RACGAP1: variants seen among roughly 807,000 people sequenced by gnomAD.
RACGAP1 encodes the protein Rac GTPase activating protein 1.
Under a neutral mutation model 78.1 loss-of-function variants are expected in RACGAP1, and 30 were observed. The observed-to-expected ratio is 0.38, with a 90% CI of 0.29 to 0.52. RACGAP1 has a LOEUF of 0.52. Among genes scored for constraint, RACGAP1 ranks in the 20% least tolerant of loss-of-function variants. RACGAP1 has a pLI of 0.82. For synonymous variants in RACGAP1, 231 were observed against 264.8 expected, an observed-to-expected ratio of 0.87 and a Z score of 1.24; for missense variants, 587 against 777.1, an observed-to-expected ratio of 0.76 and a Z score of 2.91.
intron 5 of RACGAP1, among the ~76,000 whole-genome samples, chr12:50,003,975 A>G (rs954745143): frequency 2.0e-5 from 3 of 152,244 alleles, no homozygotes; most frequent in Non-Finnish European, 4.4e-5. Flanking sequence ...CAGTTAGTAC[A>G]TGTGGCACAC....
chr12:50,019,695 A>AAAATAAATAAATAAATAAATAAATAAAT (rs371687029), intron 1 of RACGAP1: 37 of 140,662 alleles, frequency 2.6e-4, no homozygotes, highest in Admixed American at 7.2e-4. Flanking sequence ...CCCTTCTCTT[A>AAAATAAATAAATAAATAAATAAATAAAT]AAATAAATAA....
chr12:50,026,999 G>A (rs1338126401), upstream of RACGAP1, among the ~76,000 whole-genome samples: 1 of 152,048 alleles, frequency 6.6e-6, no homozygotes, highest in Admixed American at 6.6e-5. Context: ...CAGGCGTTCG[G>A]CTGACCCACC....
rs185685115 is a variant in RACGAP1, at chr12:50,000,293, G to A, written c.631-560C>T. On this transcript the variant is annotated intron_variant, in intron 7 of 16. Transcript: ENST00000312377. ...CTCCCAAAGTGCTAGGATTACAGGC[G>A]TGAGCCACCGCGCCTGGCCGACTGA... Among the ~76,000 whole-genome samples, 654 of 152,070 alleles carry A rather than the reference G, an allele frequency of 4.3e-3. 6 individuals carry two copies. The highest frequency in any genetic ancestry group is 0.015 in the African/African-American group (621 of 41,512).
intron 1 of RACGAP1, chr12:50,018,672 G>T (rs936757303): frequency 2.7e-6 from 2 of 739,420 alleles, no homozygotes; most frequent in Admixed American, 2.7e-5. Context: ...CTTATATATC[G>T]TGAGACTATA....
At chr12:50,024,392 CT>C (rs1950172518) in intron 1 of RACGAP1, among the ~76,000 whole-genome samples, 1 of 152,160 alleles carries the variant, frequency 6.6e-6, no homozygotes, top group Non-Finnish European at 1.5e-5. Flanking sequence ...GGCCATTATC[CT>C]CAGTGAAATA....
intron 1 of RACGAP1, among the ~76,000 whole-genome samples, chr12:50,021,477 G>A (rs1308194984): frequency 6.6e-6 from 1 of 152,220 alleles, no homozygotes; most frequent in Non-Finnish European, 1.5e-5. Flanking sequence ...AGCTGGATGT[G>A]ATTGCTTTGA....
rs1947782093 is a variant in RACGAP1 at position 49,990,733 on chromosome 12, T to C, written c.1774A>G (p.Ser592Gly). The C allele has an allele frequency of 6.2e-7, 1 of 1,614,082 alleles. No individual in the cohort carries two copies. Among genetic ancestry groups the C allele is most frequent in the African/African-American group, 1.3e-5 (1 of 75,034 alleles). ...EHQLLKTPSS[S>G]SLSQRVRSTL... is the part of the protein sequence containing the mutation. ...GAACGGACTCTCTGTGACAGGGAACTAGATGAAGGAGTCTTGAGAAGCTGA... is the reference window on the plus strand; with the variant it reads ...GAACGGACTCTCTGTGACAGGGAACCAGATGAAGGAGTCTTGAGAAGCTGA... The change falls in exon 16 of 17, where the codon AGT (serine) becomes GGT (glycine). Residue 592 changes from serine (S) to glycine (G), a missense_variant. Ser to Gly is a moderately conservative substitution (Grantham distance 56). Coordinates refer to ENST00000312377, the MANE Select transcript of RACGAP1 (RefSeq NM_001319999.2).
At chr12:50,018,914 T>C (rs1027170121) in intron 1 of RACGAP1, among the ~76,000 whole-genome samples, 8 of 151,952 alleles carry the variant, frequency 5.3e-5, no homozygotes, top group African/African-American at 1.9e-4. Context: ...CCACCTCAGC[T>C]GACTGCAACC....
At chr12:49,997,287 T>C in intron 9 of RACGAP1, 83 bp from the exon 10 acceptor site, 1 of 1,415,040 alleles carries the variant, frequency 7.1e-7, no homozygotes, top group Non-Finnish European at 9.3e-7. Flanking sequence ...TTTTTTTTTT[T>C]TTTTTGAGAC....
intron 2 of RACGAP1, among the ~76,000 whole-genome samples, chr12:50,008,969 G>A (rs1287740548): frequency 6.6e-6 from 1 of 152,076 alleles, no homozygotes; most frequent in Non-Finnish European, 1.5e-5. Flanking sequence ...GCCATGAAGT[G>A]CACATTAAAA....
intron 1 of RACGAP1, among the ~76,000 whole-genome samples, chr12:50,023,936 C>A (rs975802753): frequency 6.6e-6 from 1 of 151,742 alleles, no homozygotes; most frequent in East Asian, 1.9e-4. Flanking sequence ...CCGAGGTGGG[C>A]AGATCAGGAG....
intron 1 of RACGAP1, chr12:50,021,242 G>T: frequency 2.1e-6 from 1 of 465,910 alleles, no homozygotes; most frequent in Non-Finnish European, 2.8e-6. Flanking sequence ...CTGTAAAACA[G>T]CTGTCACTTT....
chr12:49,994,601 T>C, intron 10 of RACGAP1, 92 bp from the exon 11 acceptor site: 1 of 1,492,102 alleles, frequency 6.7e-7, no homozygotes, highest in Non-Finnish European at 8.9e-7. Flanking sequence ...AATCTTATTC[T>C]CAAACTGGGA....
At position 49,994,559 on chromosome 12, in the gene RACGAP1, C is replaced by A. The variant is rs199997239; in HGVS notation, c.1045-50G>T. ...TTATTATTTACGCCATGTAGACCAA[C>A]AGATGAAGACCACATGCGAAGAACC... On this transcript the variant is annotated intron_variant, in intron 10 of 16. Coordinates refer to ENST00000312377, the MANE Select transcript of RACGAP1 (RefSeq NM_001319999.2). 2.4e-5 allele frequency: 38 copies of A among 1,581,238 alleles called. No individual in the cohort carries two copies. The East Asian group carries it at 8.6e-4, about 36-fold the overall frequency.
rs748128230 is a variant in RACGAP1 at position 50,004,341 on chromosome 12, G to A, written c.426-37C>T. On this transcript the variant is annotated intron_variant, in intron 4 of 16. Transcript: ENST00000312377. ...AAACAATACAACGTTAGACATGGTAGACTGTGGAATGTAAAATTCACCAAC... is the reference window on the plus strand; with the variant it reads ...AAACAATACAACGTTAGACATGGTAAACTGTGGAATGTAAAATTCACCAAC... 4.5e-6 allele frequency: 7 copies of A among 1,559,136 alleles called. No individual in the cohort carries two copies. The South Asian group carries it at 7.0e-5, about 16-fold the overall frequency.
At chr12:50,025,550 T>A (rs953832940), upstream of RACGAP1, 2 of 985,260 alleles carry the variant, frequency 2.0e-6, no homozygotes, top group Admixed American at 6.1e-5. Flanking sequence ...CTCTACGGTG[T>A]GACGTACGCG....
intron 1 of RACGAP1, among the ~76,000 whole-genome samples, chr12:50,022,037 A>C (rs1158329190): frequency 6.6e-6 from 1 of 152,212 alleles, no homozygotes; most frequent in Non-Finnish European, 1.5e-5. Context: ...AGACTAAAAT[A>C]AGGAAGGGAA....
intron 12 of RACGAP1, among the ~76,000 whole-genome samples, chr12:49,993,355 A>G (rs1291406120): frequency 6.6e-6 from 1 of 152,224 alleles, no homozygotes; most frequent in East Asian, 1.9e-4. Flanking sequence ...GGAAGGAAAG[A>G]AAGGAAGAAC....
chr12:50,029,052 C>G (rs1950306041), upstream of RACGAP1, among the ~76,000 whole-genome samples: 1 of 151,918 alleles, frequency 6.6e-6, no homozygotes, highest in Non-Finnish European at 1.5e-5. Context: ...CCTGTCTCTA[C>G]TAAAATACAA....
Sources: allele counts gnomAD v4.1 joint callset (sites outside exome capture counted in the v4.1 genomes callset), GRCh38; gene constraint gnomAD v4.1.1; transcripts MANE v1.5; gene names NCBI Gene and HGNC (gene_info 2026-07-23, HGNC 2026-07-21).